Variants in EPHB1 observed in about 807,000 individuals in gnomAD.
The protein encoded by EPHB1 is ephrin type-B receptor 1.
In EPHB1, 30 loss-of-function variants were observed where a neutral mutation model predicts 94.4. That is an observed-to-expected ratio of 0.32 (90% CI 0.24 to 0.43). The LOEUF (loss-of-function observed/expected upper bound fraction) is 0.43. EPHB1 is among the 20% of genes least tolerant of loss of function. EPHB1 has a pLI of 1.00. For missense variants in EPHB1, 1,055 were observed against 1,308.3 expected, an observed-to-expected ratio of 0.81 and a Z score of 2.99; for synonymous variants, 522 against 489.1, an observed-to-expected ratio of 1.07 and a Z score of -0.89.
intron 1 of EPHB1, among the ~76,000 whole-genome samples, chr3:134,837,415 G>T (rs1029949986): frequency 2.0e-5 from 3 of 152,200 alleles, no homozygotes; most frequent in Non-Finnish European, 2.9e-5. Context: ...TTGTCATCCT[G>T]CTGGGTTCAC....
At position 135,203,698 on chromosome 3, in the gene EPHB1, G is replaced by T. The variant is rs551846855; in HGVS notation, c.2346+2009G>T. ...CTGACGCATTAATTTTCAACAATTA[G>T]GTGTGCCTTCTTTGACATTTTTCTT... On this transcript the variant is annotated intron_variant, in intron 12 of 15. Transcript: ENST00000398015. 5.3e-5 allele frequency among the ~76,000 whole-genome samples: 8 copies of T among 152,226 alleles called. No homozygotes were observed. The South Asian group carries it at 1.7e-3, about 32-fold the overall frequency.
intron 3 of EPHB1, among the ~76,000 whole-genome samples, chr3:135,099,288 A>C (rs925655302): frequency 6.6e-6 from 1 of 151,942 alleles, no homozygotes. Flanking sequence ...GAGCTTTCAA[A>C]CTAGTACATT....
intron 7 of EPHB1, among the ~76,000 whole-genome samples, chr3:135,163,946 A>G (rs1357989454): frequency 2.0e-5 from 3 of 152,124 alleles, no homozygotes; most frequent in Non-Finnish European, 4.4e-5. Flanking sequence ...GGACCTGTGG[A>G]ATCCTGCCCA....
Position 134,795,509 on chromosome 3 carries a change from G to A in EPHB1, c.-123G>A. The stretch of plus-strand genomic sequence containing the variant: ...CGCAGCGCTCCGGGAAGTCCGGTCC[G>A]GGCGAGAGCGCGAAAGGATACCGAG... On this transcript the variant is annotated 5_prime_UTR_variant, in exon 1 of 16. Coordinates refer to ENST00000398015, the MANE Select transcript of EPHB1 (RefSeq NM_004441.5). 5.3e-6 allele frequency: 5 copies of A among 940,386 alleles called. No individual in the cohort carries two copies. Among genetic ancestry groups the A allele is most frequent in the South Asian group, 3.3e-5 (2 of 61,182 alleles). 58.3% of individuals were successfully genotyped at this position (940,386 alleles called of 1,614,324 possible).
intron 3 of EPHB1, among the ~76,000 whole-genome samples, chr3:135,080,995 G>A (rs1188754725): frequency 6.6e-6 from 1 of 152,144 alleles, no homozygotes; most frequent in Non-Finnish European, 1.5e-5. Flanking sequence ...ATTCACCACT[G>A]CCTGTTGCTT....
At chr3:135,185,334 G>T (rs1464058815) in intron 10 of EPHB1, among the ~76,000 whole-genome samples, 1 of 152,214 alleles carries the variant, frequency 6.6e-6, no homozygotes, top group Admixed American at 6.5e-5. Context: ...CATTCAGAGT[G>T]CAGATGGACA....
chr3:135,157,660 C>T (rs766877572), intron 6 of EPHB1, among the ~76,000 whole-genome samples: 4 of 152,196 alleles, frequency 2.6e-5, no homozygotes, highest in East Asian at 1.9e-4. Context: ...ATTTGGTATA[C>T]GACTGTGGAA....
At chr3:135,163,256 T>C (rs1458562522) in intron 7 of EPHB1, among the ~76,000 whole-genome samples, 3 of 152,198 alleles carry the variant, frequency 2.0e-5, no homozygotes, top group Admixed American at 2.0e-4. Flanking sequence ...TTGATGTTCT[T>C]GTGAAAAAAT....
intron 3 of EPHB1, among the ~76,000 whole-genome samples, chr3:135,044,172 A>G (rs1206683456): frequency 2.6e-5 from 4 of 152,200 alleles, no homozygotes; most frequent in Admixed American, 1.3e-4. Context: ...AGGGGCAGAC[A>G]TTTCTGTATA....
intron 1 of EPHB1, among the ~76,000 whole-genome samples, chr3:134,860,537 G>A (rs370429857): frequency 1.3e-5 from 2 of 152,098 alleles, no homozygotes; most frequent in African/African-American, 2.4e-5. Context: ...TTTCTTGGCC[G>A]GGCGCGATGG....
At chr3:134,925,956 T>C in intron 2 of EPHB1, 76 bp downstream of exon 2, 1 of 1,310,684 alleles carries the variant, frequency 7.6e-7, no homozygotes, top group Non-Finnish European at 1.1e-6. Flanking sequence ...GAGTAGAGAC[T>C]ACCCAGAGCA....
intron 1 of EPHB1, among the ~76,000 whole-genome samples, chr3:134,898,034 A>G (rs2038120078): frequency 6.6e-6 from 1 of 152,142 alleles, no homozygotes; most frequent in African/African-American, 2.4e-5. Context: ...CAGGAAGGCA[A>G]ATAAATCAAT....
intron 3 of EPHB1, among the ~76,000 whole-genome samples, chr3:134,976,036 G>A (rs1934177429): frequency 6.6e-6 from 1 of 152,212 alleles, no homozygotes; most frequent in Admixed American, 6.5e-5. Flanking sequence ...AATGGAACAG[G>A]CACCTGGAGG....
intron 3 of EPHB1, among the ~76,000 whole-genome samples, chr3:135,031,688 T>C (rs572517459): frequency 6.6e-6 from 1 of 152,192 alleles, no homozygotes; most frequent in Non-Finnish European, 1.5e-5. Context: ...ACAAAGCCAA[T>C]CAAAATTCTA....
At chr3:135,163,091 T>C (rs894516990) in intron 7 of EPHB1, among the ~76,000 whole-genome samples, 4 of 152,248 alleles carry the variant, frequency 2.6e-5, no homozygotes, top group Non-Finnish European at 4.4e-5. Flanking sequence ...TAAAACAGTC[T>C]GTCCTTATAT....
intron 9 of EPHB1, among the ~76,000 whole-genome samples, chr3:135,178,901 C>T (rs1942068868): frequency 6.6e-6 from 1 of 152,188 alleles, no homozygotes; most frequent in Non-Finnish European, 1.5e-5. Context: ...TTCGAAGCCC[C>T]AGCCTTTCCA....
chr3:135,107,436 C>T (rs1184729970), intron 4 of EPHB1, among the ~76,000 whole-genome samples: 2 of 152,214 alleles, frequency 1.3e-5, no homozygotes, highest in South Asian at 2.1e-4. Flanking sequence ...CTCCTCTGAG[C>T]ATTGTAGCCC....
intron 3 of EPHB1, among the ~76,000 whole-genome samples, chr3:135,098,197 A>G (rs1454135786): frequency 2.6e-5 from 4 of 152,200 alleles, no homozygotes; most frequent in African/African-American, 9.7e-5. Context: ...CCTCTGCAAG[A>G]TTTTTAAATG....
chr3:135,180,061 A>G lies in EPHB1; in HGVS notation c.1882+79A>G, dbSNP rs1450460622. The G allele has an allele frequency of 9.7e-6, 15 of 1,549,990 alleles. No individual in the cohort carries two copies. The South Asian group carries it at 1.5e-4, about 16-fold the overall frequency. On this transcript the variant is annotated intron_variant, in intron 10 of 15. Transcript: ENST00000398015. ...TCCACCACCCTAGATGGTCTCTTTC[A>G]GTATGAAAAGCCCCATTAGGAGGAG...
Sources: gnomAD v4.1 joint callset for allele counts (sites outside exome capture counted in the v4.1 genomes callset) on GRCh38, gnomAD v4.1.1 for gene constraint, MANE v1.5 for transcripts, NCBI Gene and HGNC (gene_info 2026-07-23, HGNC 2026-07-21) for gene names.